PAM: variants seen among roughly 807,000 people sequenced by gnomAD.
PAM encodes peptidyl-glycine alpha-amidating monooxygenase.
PAM carries 72 observed loss-of-function variants against 122.1 expected under a neutral mutation model. The ratio of observed to expected loss-of-function variants is 0.59; its 90% CI spans 0.49 to 0.72. The LOEUF is 0.72. PAM is among the 30% of genes least tolerant of loss of function. The pLI, the probability that PAM is intolerant of heterozygous loss-of-function variation, is 0.00. For synonymous variants in PAM, 389 were observed against 404.4 expected, an observed-to-expected ratio of 0.96 and a Z score of 0.46; for missense variants, 1,106 against 1,183.7, an observed-to-expected ratio of 0.93 and a Z score of 0.96.
rs1313632493 is a variant in PAM at position 102,925,025 on chromosome 5, C to T, written c.425C>T (p.Pro142Leu). 1.9e-6 allele frequency: 3 copies of T among 1,572,080 alleles called. No homozygotes were observed. Among genetic ancestry groups the T allele is most frequent in the Non-Finnish European group, 2.6e-6 (3 of 1,141,482 alleles). ...ILYAWARNAP[P>L]TRLPKGVGFR... The stretch of plus-strand genomic sequence containing the variant: ...TATGCCTGGGCGAGAAATGCTCCCC[C>T]TACCCGGCTCCCCAAAGGTATGTCA... Residue 142 changes from proline to leucine, a missense_variant, in exon 6 of 26, where the codon CCT becomes CTT. Around this residue, in one of 3 missense-constraint regions of PAM, gnomAD observed 670 missense variants for 690.3 expected, o/e 0.97. Transcript: ENST00000438793.
chr5:102,822,632 G>A (rs1426257746), intron 1 of PAM, among the ~76,000 whole-genome samples: 1 of 152,054 alleles, frequency 6.6e-6, no homozygotes, highest in Non-Finnish European at 1.5e-5. Flanking sequence ...CTATACTCTG[G>A]TGTTATTAAA....
At chr5:102,789,569 T>G (rs1761503185) in intron 1 of PAM, among the ~76,000 whole-genome samples, 2 of 152,134 alleles carry the variant, frequency 1.3e-5, no homozygotes, top group Admixed American at 1.3e-4. Context: ...TTTCACTTAC[T>G]TGAAGTACCT....
At chr5:102,763,349 A>G (rs956130225) in intron 1 of PAM, among the ~76,000 whole-genome samples, 6 of 152,196 alleles carry the variant, frequency 3.9e-5, no homozygotes, top group African/African-American at 1.4e-4. Flanking sequence ...CACTTATTCA[A>G]CAAATATTCA....
chr5:102,851,539 A>G (rs1781353623), intron 1 of PAM, among the ~76,000 whole-genome samples: 1 of 152,184 alleles, frequency 6.6e-6, no homozygotes, highest in African/African-American at 2.4e-5. Context: ...TTCTGATTTT[A>G]AAGTCAGCAT....
chr5:102,831,879 TC>T (rs1775567964), intron 1 of PAM, among the ~76,000 whole-genome samples: 6 of 151,884 alleles, frequency 4.0e-5, no homozygotes, highest in Admixed American at 2.6e-4. Flanking sequence ...GTCTTCTCTC[TC>T]TCTCTCTCTC....
chr5:102,801,772 A>ATTTT lies in PAM; in HGVS notation c.-374+46445_-374+46448dup, dbSNP rs36068804. Among the ~76,000 whole-genome samples, 90 of 98,968 alleles carry ATTTT rather than the reference A, an allele frequency of 9.1e-4. 1 individual carries two copies. The highest frequency in any genetic ancestry group is 2.0e-3 in the African/African-American group (49 of 24,124). 64.9% of individuals were successfully genotyped at this position (98,968 alleles called of 152,430 possible). A position where few individuals can be genotyped will look rare whatever the true frequency, so the allele number is the denominator to read the frequency against. On this transcript the variant is annotated intron_variant, in intron 1 of 25. Transcript: ENST00000438793. ...CTTATTTGTATCCTAGGGAAAAGGT[A>ATTTT]TTTTTTTTTTTTTTTTTTTTTTTTG...
intron 2 of PAM, 33 bp downstream of exon 2, chr5:102,866,317 A>G: frequency 1.5e-6 from 2 of 1,347,356 alleles, no homozygotes; most frequent in Non-Finnish European, 2.1e-6. Flanking sequence ...CTTTCTGTGC[A>G]TGCTGTTGAG....
Position 103,007,009 on chromosome 5 carries a change from AAGG to A in PAM, c.2013_2014+1del, listed in dbSNP as rs1464141743. 1 of 1,604,284 alleles carries A rather than the reference AAGG, an allele frequency of 6.2e-7. No homozygotes were observed. On this transcript the variant is annotated splice_donor_variant and coding_sequence_variant, in exon 19 of 26. Coordinates refer to ENST00000438793, the MANE Select transcript of PAM (RefSeq NM_001177306.2). LOFTEE classifies it high-confidence loss of function. ...GGAAAGTTCATCACACAGTGGGGAG[AAGG>A]TACCCAATAAGACTCTTAATCTCCA... is the stretch of plus-strand genomic sequence containing the variant.
chr5:102,793,179 G>A (rs1046056903), intron 1 of PAM, among the ~76,000 whole-genome samples: 6 of 152,034 alleles, frequency 3.9e-5, no homozygotes, highest in African/African-American at 1.5e-4. Context: ...AATTCCCTCC[G>A]TGTAAATTAA....
chr5:102,897,997 A>G (rs1458527810), intron 3 of PAM, among the ~76,000 whole-genome samples: 1 of 151,636 alleles, frequency 6.6e-6, no homozygotes, highest in African/African-American at 2.4e-5. Flanking sequence ...CAAAATAAAG[A>G]ATGCTATGAG....
Position 102,961,205 on chromosome 5 carries a change from G to A in PAM, c.1138G>A (p.Glu380Lys), listed in dbSNP as rs1383677920. The change falls in exon 14 of 26, where the codon GAA (glutamate) becomes AAA (lysine). Residue 380 changes from glutamate (E) to lysine (K), a missense_variant. Transcript: ENST00000438793. ...TCCTTTACTACAGCAGCCAAAACGA[G>A]AAGAAGAAGAAGTGTTAGACCAGGG... ...KIPLLQQPKREEEEVLDQGDF... is the reference protein window; with the variant it reads ...KIPLLQQPKRKEEEVLDQGDF... 1.9e-6 allele frequency: 3 copies of A among 1,553,416 alleles called. No individual in the cohort carries two copies. The East Asian group carries it at 6.8e-5, about 35-fold the overall frequency.
At position 102,855,873 on chromosome 5, in the gene PAM, A is replaced by G. The variant is rs1782498022; in HGVS notation, c.-373-9950A>G. On this transcript the variant is annotated intron_variant, in intron 1 of 25. Coordinates refer to ENST00000438793, the MANE Select transcript of PAM (RefSeq NM_001177306.2). ...GGTTACCCTCCCTCCATTCTATACC[A>G]ACTTCCTCCTAAAAATAAAAGAAAC... Among the ~76,000 whole-genome samples the G allele has an allele frequency of 4.6e-5, 7 of 152,222 alleles. No homozygotes were observed. The South Asian group carries it at 1.5e-3, about 32-fold the overall frequency.
chr5:102,955,979 A>G (rs968921252), intron 12 of PAM, among the ~76,000 whole-genome samples: 4 of 152,090 alleles, frequency 2.6e-5, no homozygotes, highest in Non-Finnish European at 5.9e-5. Flanking sequence ...TTTTTAGCAT[A>G]TGATAGTTTC....
rs70990420 is a variant in PAM, at chr5:102,941,833, C to CAAAAAAAA, written c.527-4985_527-4978dup. 4.5e-4 allele frequency among the ~76,000 whole-genome samples: 26 copies of CAAAAAAAA among 58,382 alleles called. 2 individuals are homozygous for CAAAAAAAA. Among genetic ancestry groups the CAAAAAAAA allele is most frequent in the African/African-American group, 1.5e-3 (24 of 16,064 alleles). The allele number at this position is 58,382 out of a possible 152,430, so 38.3% of individuals were successfully genotyped here. A position where few individuals can be genotyped will look rare whatever the true frequency, so the allele number is the denominator to read the frequency against. On this transcript the variant is annotated intron_variant, in intron 7 of 25. Transcript: ENST00000438793. ...ACCTGCATTTCTAATCCAGATGGTA[C>CAAAAAAAA]AAAAAAAAAAAAAAAAAAAAAAAAA...
chr5:102,928,944 G>C (rs1241781851), intron 7 of PAM, among the ~76,000 whole-genome samples: 3 of 151,880 alleles, frequency 2.0e-5, no homozygotes, highest in African/African-American at 4.8e-5. Context: ...CTAGGACATT[G>C]GTTAAATAAA....
chr5:102,895,105 C>T (rs999953593), intron 3 of PAM, among the ~76,000 whole-genome samples: 6 of 151,732 alleles, frequency 4.0e-5, no homozygotes, highest in African/African-American at 1.5e-4. Flanking sequence ...ATGCCCAGTC[C>T]AATTTAAAAC....
intron 1 of PAM, among the ~76,000 whole-genome samples, chr5:102,817,387 A>G (rs2150274356): frequency 6.6e-6 from 1 of 152,294 alleles, no homozygotes. Context: ...AATATGCTCA[A>G]AATGTGAATG....
intron 1 of PAM, among the ~76,000 whole-genome samples, chr5:102,770,817 T>G (rs1755551067): frequency 6.6e-6 from 1 of 152,124 alleles, no homozygotes; most frequent in South Asian, 2.1e-4. Context: ...TTTTTTAATG[T>G]ATCTTTGTCT....
At chr5:102,803,764 G>A (rs1202321087) in intron 1 of PAM, among the ~76,000 whole-genome samples, 4 of 152,080 alleles carry the variant, frequency 2.6e-5, no homozygotes, top group African/African-American at 9.7e-5. Flanking sequence ...TATTGAATAA[G>A]TATTTATTGA....
Sources: allele counts gnomAD v4.1 joint callset (sites outside exome capture counted in the v4.1 genomes callset), GRCh38; gene constraint gnomAD v4.1.1; regional missense constraint gnomAD v4.1.1; transcripts MANE v1.5; gene names NCBI Gene and HGNC (gene_info 2026-07-23, HGNC 2026-07-21).